ADGRV1: variants seen among roughly 807,000 people sequenced by gnomAD.
ADGRV1 encodes the protein adhesion G protein-coupled receptor V1.
ADGRV1 carries 359 observed loss-of-function variants against 596.2 expected under a neutral mutation model. The ratio of observed to expected loss-of-function variants is 0.60; its 90% confidence interval spans 0.55 to 0.66. The LOEUF (loss-of-function observed/expected upper bound fraction) is 0.66. Ranked by LOEUF, ADGRV1 falls within the 30% of genes least tolerant of loss-of-function variation. ADGRV1 has a pLI of 0.00. For missense variants in ADGRV1, 7,274 were observed against 7,575.6 expected, an observed-to-expected ratio of 0.96 and a Z score of 1.48; for synonymous variants, 2,681 against 2,679.2, an observed-to-expected ratio of 1.00 and a Z score of -0.02.
intron 73 of ADGRV1, among the ~76,000 whole-genome samples, chr5:90,808,633 G>A (rs1276126406): frequency 6.6e-6 from 1 of 152,206 alleles, no homozygotes; most frequent in Non-Finnish European, 1.5e-5. Context: ...GGCGGCTCAC[G>A]CCTGTAATCC....
At chr5:90,980,916 C>A (rs6882955) in intron 84 of ADGRV1, among the ~76,000 whole-genome samples, 41,648 of 152,110 alleles carry the variant, frequency 0.27, 5,858 homozygotes, top group African/African-American at 0.3. Flanking sequence ...CATTCAATAT[C>A]GTTTTATTGT....
chr5:90,629,022 A>T lies in ADGRV1; in HGVS notation c.1510-188A>T, dbSNP rs1434596986. 5.9e-6 allele frequency: 4 copies of T among 673,964 alleles called. No individual in the cohort carries two copies. In the East Asian group the frequency reaches 1.1e-4, roughly 19 times the overall value. The allele number at this position is 673,964 out of a possible 1,614,324, so 41.7% of individuals were successfully genotyped here. Reference sequence around the variant, plus strand: ...ATTTTACCCTCTAAAAAATTCCACAAACTGTGATTTAGGAATATTTCCAAA... The same window carrying T: ...ATTTTACCCTCTAAAAAATTCCACATACTGTGATTTAGGAATATTTCCAAA... On this transcript the variant is annotated intron_variant, in intron 8 of 89. Coordinates refer to ENST00000405460, the MANE Select transcript of ADGRV1 (RefSeq NM_032119.4).
At chr5:90,816,678 T>C (rs1226370875) in intron 75 of ADGRV1, among the ~76,000 whole-genome samples, 1 of 151,710 alleles carries the variant, frequency 6.6e-6, no homozygotes, top group East Asian at 1.9e-4. Context: ...TTTTTGTCCT[T>C]GCGATAGTTT....
intron 75 of ADGRV1, 91 bp from the exon 76 acceptor site, chr5:90,823,334 G>T (rs1763769536): frequency 1.6e-6 from 2 of 1,275,796 alleles, no homozygotes; most frequent in African/African-American, 1.5e-5. Context: ...GGTATACTTT[G>T]GATGAAGAGG....
chr5:90,975,497 T>C (rs1237124520), intron 84 of ADGRV1, among the ~76,000 whole-genome samples: 1 of 152,168 alleles, frequency 6.6e-6, no homozygotes, highest in Non-Finnish European at 1.5e-5. Context: ...GTGGCACATA[T>C]ACACCATGGA....
rs138653201 is a variant in ADGRV1 at position 91,051,764 on chromosome 5, G to T, written c.18153-20683G>T. On this transcript the variant is annotated intron_variant, in intron 85 of 89. Coordinates refer to ENST00000405460, the MANE Select transcript of ADGRV1 (RefSeq NM_032119.4). ...GGGTTTCACGACGTTAGCCAGGATG[G>T]TCTTGATCTACTTAGGATATTTTTG... 5.8e-4 allele frequency among the ~76,000 whole-genome samples: 88 copies of T among 152,018 alleles called. 1 individual carries two copies. In the East Asian group the frequency reaches 7.6e-3, roughly 13 times the overall value.
At chr5:90,647,399 A>AG in intron 16 of ADGRV1, 99 bp from the exon 17 acceptor site, 1 of 1,240,800 alleles carries the variant, frequency 8.1e-7, no homozygotes, top group East Asian at 2.4e-5. Flanking sequence ...ACACAGTACA[A>AG]GGCTTCTCTC....
At chr5:91,116,866 A>G (rs985472276) in intron 87 of ADGRV1, among the ~76,000 whole-genome samples, 2 of 152,218 alleles carry the variant, frequency 1.3e-5, no homozygotes, top group Non-Finnish European at 2.9e-5. Flanking sequence ...TTAATTTGGC[A>G]TGTGATACTT....
At position 90,582,107 on chromosome 5, in the gene ADGRV1, G is replaced by C. The variant is rs1289232450; in HGVS notation, c.22+23190G>C. ...TGAGGCTTGCTTTATGACCAAGCATGTGTTTTTTTTTTTTTTTTGGAATGT... is the reference window on the plus strand; with the variant it reads ...TGAGGCTTGCTTTATGACCAAGCATCTGTTTTTTTTTTTTTTTTGGAATGT... On this transcript the variant is annotated intron_variant, in intron 1 of 89. Coordinates refer to ENST00000405460, the MANE Select transcript of ADGRV1 (RefSeq NM_032119.4). Among the ~76,000 whole-genome samples the C allele has an allele frequency of 5.6e-5, 8 of 142,242 alleles. No individual in the cohort carries two copies. The East Asian group carries it at 1.6e-3, about 28-fold the overall frequency. 93.3% of individuals were successfully genotyped at this position (142,242 alleles called of 152,430 possible).
chr5:90,860,918 G>T (rs1162437374), intron 82 of ADGRV1, among the ~76,000 whole-genome samples: 3 of 152,124 alleles, frequency 2.0e-5, no homozygotes, highest in Non-Finnish European at 2.9e-5. Flanking sequence ...TATTTGGAAA[G>T]TATCTCTCAT....
At chr5:91,143,376 A>G (rs1321155368) in intron 87 of ADGRV1, among the ~76,000 whole-genome samples, 2 of 152,166 alleles carry the variant, frequency 1.3e-5, no homozygotes, top group African/African-American at 4.8e-5. Flanking sequence ...TTCTTGTCCC[A>G]TGCCCAGGTA....
chr5:90,973,362 A>G (rs1469035675), intron 84 of ADGRV1, among the ~76,000 whole-genome samples: 1 of 152,224 alleles, frequency 6.6e-6, no homozygotes, highest in African/African-American at 2.4e-5. Context: ...TGAGGCCAGC[A>G]TCATCCTGAC....
intron 83 of ADGRV1, among the ~76,000 whole-genome samples, chr5:90,938,056 A>G (rs1421535031): frequency 6.6e-6 from 1 of 151,934 alleles, no homozygotes; most frequent in Non-Finnish European, 1.5e-5. Flanking sequence ...GTTTGCTTGT[A>G]TTTGTCCTTG....
chr5:90,577,006 T>G (rs1404197550), intron 1 of ADGRV1, among the ~76,000 whole-genome samples: 2 of 152,234 alleles, frequency 1.3e-5, no homozygotes, highest in Non-Finnish European at 2.9e-5. Context: ...CTTTGTAGAT[T>G]CTGGATATTA....
At chr5:90,568,583 T>A (rs1198460322) in intron 1 of ADGRV1, among the ~76,000 whole-genome samples, 3 of 152,212 alleles carry the variant, frequency 2.0e-5, no homozygotes, top group African/African-American at 7.2e-5. Flanking sequence ...ATATGTATTC[T>A]GCTGTTGTGG....
At chr5:90,643,077 A>C (rs1000696027) in intron 13 of ADGRV1, 36 bp downstream of exon 13, 6 of 1,511,022 alleles carry the variant, frequency 4.0e-6, no homozygotes, top group Non-Finnish European at 4.6e-6. Flanking sequence ...GTTTCTCTGT[A>C]AGATTGATAG....
chr5:90,999,815 C>T (rs542416363), intron 85 of ADGRV1, among the ~76,000 whole-genome samples: 116 of 151,982 alleles, frequency 7.6e-4, no homozygotes, highest in Admixed American at 1.8e-3. Flanking sequence ...TTGTAGATGT[C>T]TCTAATGAAA....
chr5:90,855,689 C>CGA, intron 81 of ADGRV1, 52 bp from the exon 82 acceptor site: 2 of 1,277,762 alleles, frequency 1.6e-6, no homozygotes, highest in Non-Finnish European at 2.1e-6. Flanking sequence ...GCCATCTCAA[C>CGA]ACCTTCAGTA....
chr5:90,776,564 C>T lies in ADGRV1; in HGVS notation c.12515C>T (p.Thr4172Ile), dbSNP rs1347275668. Residue 4172 changes from threonine to isoleucine, a missense_variant, in exon 61 of 90, where the codon ACC becomes ATC. This residue lies in a region of ADGRV1 where 3,643 missense variants were observed against 3,809.2 expected (regional missense o/e 0.96). Coordinates refer to ENST00000405460, the MANE Select transcript of ADGRV1 (RefSeq NM_032119.4). ...IGEPSAKYNG[T>I]AIISLVRGPG... ...GAACCCTCAGCAAAATATAATGGTA[C>T]CGCTATTATCAGGTAAGGACTTCAT... is the stretch of plus-strand genomic sequence containing the variant. 39 of 1,613,064 alleles carry T rather than the reference C, an allele frequency of 2.4e-5. No individual in the cohort carries two copies. The highest frequency in any genetic ancestry group is 3.1e-5 in the Non-Finnish European group (37 of 1,179,380).
Sources: gnomAD v4.1 joint callset for allele counts (sites outside exome capture counted in the v4.1 genomes callset) on GRCh38, gnomAD v4.1.1 for gene constraint, gnomAD v4.1.1 regional missense constraint, MANE v1.5 for transcripts, NCBI Gene and HGNC (gene_info 2026-07-23, HGNC 2026-07-21) for gene names.